The following SATB2 variants were observed in gnomAD, a reference collection of about 807,000 sequenced individuals.
The protein encoded by SATB2 is DNA-binding protein SATB2.
In SATB2, 1 loss-of-function variant was observed where a neutral mutation model predicts 73.4. The ratio of observed to expected loss-of-function variants is 0.01; its 90% CI spans 0.00 to 0.06. The LOEUF is 0.06. SATB2 is among the 10% of genes least tolerant of loss of function. The probability of loss-of-function intolerance (pLI) is 1.00; values close to 1 mark genes in which losing one functional copy is unlikely to be tolerated. For missense variants in SATB2, 459 were observed against 945.8 expected (o/e 0.49, Z 6.75); for synonymous variants, 397 against 367.0 (o/e 1.08, Z -0.93).
In SATB2 at chr2:199,402,372, G is replaced by C. The variant is rs552350397; in HGVS notation, c.347-20552C>G. ...TGCACTCCAGCCTGGGTGACAGAGC[G>C]AGACTCCATCTCAAAAAAAAAGATT... On this transcript the variant is annotated intron_variant, in intron 3 of 10. Transcript: ENST00000417098. Among the ~76,000 whole-genome samples, 6 of 151,890 alleles carry C rather than the reference G, an allele frequency of 4.0e-5. No individual in the cohort carries two copies. The East Asian group carries it at 1.2e-3, about 29-fold the overall frequency.
intron 2 of SATB2, among the ~76,000 whole-genome samples, chr2:199,454,722 A>C (rs1692223577): frequency 6.6e-6 from 1 of 152,212 alleles, no homozygotes; most frequent in African/African-American, 2.4e-5. Flanking sequence ...ATAGCAAAAT[A>C]AGTAAAAAGA....
intron 7 of SATB2, among the ~76,000 whole-genome samples, chr2:199,337,791 C>A (rs1688379439): frequency 6.6e-6 from 1 of 152,186 alleles, no homozygotes; most frequent in Admixed American, 6.5e-5. Context: ...TTTCTCTCAG[C>A]ATTTCTGGCC....
intron 3 of SATB2, among the ~76,000 whole-genome samples, chr2:199,416,272 A>C (rs1690980013): frequency 6.6e-6 from 1 of 152,228 alleles, no homozygotes; most frequent in Non-Finnish European, 1.5e-5. Flanking sequence ...CATTATGTAC[A>C]AATCTATGAA....
intron 7 of SATB2, among the ~76,000 whole-genome samples, chr2:199,344,546 A>G (rs1260252895): frequency 6.6e-6 from 1 of 152,224 alleles, no homozygotes; most frequent in African/African-American, 2.4e-5. Flanking sequence ...AAATTAGCTA[A>G]GAGTCAAGGG....
intron 3 of SATB2, among the ~76,000 whole-genome samples, chr2:199,421,858 C>A (rs574946859): frequency 1.3e-5 from 2 of 152,170 alleles, no homozygotes; most frequent in Non-Finnish European, 1.5e-5. Flanking sequence ...AAAAATCTGG[C>A]CTTGCACCTG....
exon 1 of SATB2, chr2:199,465,055 T>C (rs1335278643): frequency 6.6e-6 from 1 of 152,238 alleles, no homozygotes; most frequent in Non-Finnish European, 1.5e-5. Context: ...GTAATTGGGT[T>C]TGTTGGTTAC....
intron 8 of SATB2, chr2:199,325,210 C>G (rs962351215): frequency 6.6e-6 from 1 of 152,130 alleles, no homozygotes; most frequent in South Asian, 2.1e-4. Flanking sequence ...TTATGGCGTG[C>G]TTTTTATGGG....
At chr2:199,368,900 T>C (rs377695193) in intron 5 of SATB2, 193 bp from the exon 6 acceptor site, 142 of 496,684 alleles carry the variant, frequency 2.9e-4, no homozygotes, top group African/African-American at 2.6e-3. Flanking sequence ...ACAATGATAG[T>C]GCTTTCTCCA....
chr2:199,391,432 C>CA (rs56190034), intron 3 of SATB2, among the ~76,000 whole-genome samples: 2,132 of 98,448 alleles, frequency 0.022, 72 homozygotes, highest in African/African-American at 0.07. Flanking sequence ...GACTCCGTCT[C>CA]AAAAAAAAAA....
upstream of SATB2, among the ~76,000 whole-genome samples, chr2:199,465,363 C>A: frequency 6.6e-6 from 1 of 152,174 alleles, no homozygotes; most frequent in East Asian, 1.9e-4. Flanking sequence ...TAAAGACTGT[C>A]CCGTTGGATA....
In SATB2 at chr2:199,456,073, G is replaced by C. The variant is rs763343913; in HGVS notation, c.-36C>G. ...CTCGGAGACAAAGTTCCCACCGGCA[G>C]GTCGCAATAAAACGCACAGGGACCT... is the stretch of plus-strand genomic sequence containing the variant. On this transcript the variant is annotated 5_prime_UTR_variant, in exon 2 of 11. Coordinates refer to ENST00000417098, the MANE Select transcript of SATB2 (RefSeq NM_001172509.2). 2.4e-5 allele frequency: 37 copies of C among 1,535,876 alleles called. No individual in the cohort carries two copies. Among genetic ancestry groups the C allele is most frequent in the Non-Finnish European group, 3.2e-5 (37 of 1,145,986 alleles).
At chr2:199,339,104 T>G (rs1377294540) in intron 7 of SATB2, among the ~76,000 whole-genome samples, 1 of 152,070 alleles carries the variant, frequency 6.6e-6, no homozygotes, top group African/African-American at 2.4e-5. Context: ...AGCTGCTAAA[T>G]TAGCCTTCTC....
chr2:199,459,700 G>A (rs940389712), upstream of SATB2: 4 of 152,778 alleles, frequency 2.6e-5, no homozygotes, highest in Non-Finnish European at 5.9e-5. This position sits in a 1 kb window ranked among gnomAD's most constrained non-coding sequence, Gnocchi z 4.2. Context: ...CCCTTAAGAA[G>A]CGTTGACTGT....
chr2:199,424,152 A>G (rs1363006918), intron 3 of SATB2, among the ~76,000 whole-genome samples: 1 of 152,346 alleles, frequency 6.6e-6, no homozygotes, highest in East Asian at 1.9e-4. Flanking sequence ...AATTTTGCCA[A>G]ATACTGCTTT....
chr2:199,318,005 A>G (rs752706669), intron 9 of SATB2, among the ~76,000 whole-genome samples: 3 of 152,018 alleles, frequency 2.0e-5, no homozygotes, highest in African/African-American at 4.8e-5. Flanking sequence ...CCAGTTGACA[A>G]GAGTGGAAAC....
In SATB2 at chr2:199,365,794, T is replaced by A. The variant is rs116013413; in HGVS notation, c.700+2811A>T. The stretch of plus-strand genomic sequence containing the variant: ...TAGAATTTGCAATCTGATCTTTTTT[T>A]TGTCCTTCCAGTAGACTTTTATTTT... On this transcript the variant is annotated intron_variant, in intron 6 of 10. Coordinates refer to ENST00000417098, the MANE Select transcript of SATB2 (RefSeq NM_001172509.2). Among the ~76,000 whole-genome samples the A allele has an allele frequency of 5.3e-3, 801 of 152,258 alleles. 7 individuals are homozygous for A. The highest frequency in any genetic ancestry group is 0.018 in the African/African-American group (747 of 41,578).
chr2:199,315,201 G>A (rs995442436), intron 9 of SATB2, among the ~76,000 whole-genome samples: 2 of 151,744 alleles, frequency 1.3e-5, no homozygotes, highest in South Asian at 2.1e-4. Flanking sequence ...TATTTCTGTC[G>A]TTGCTGTTGT....
At chr2:199,343,272 G>A (rs541794098) in intron 7 of SATB2, among the ~76,000 whole-genome samples, 23 of 152,082 alleles carry the variant, frequency 1.5e-4, no homozygotes, top group African/African-American at 5.5e-4. Context: ...AATATAAGGT[G>A]ACAAAATGTA....
chr2:199,469,144 A>C (rs1692653004), upstream of SATB2, among the ~76,000 whole-genome samples: 1 of 152,154 alleles, frequency 6.6e-6, no homozygotes, highest in South Asian at 2.1e-4. Flanking sequence ...ATCCCGGAGG[A>C]AGGGAGGGTG....
Sources: allele counts gnomAD v4.1 joint callset (sites outside exome capture counted in the v4.1 genomes callset), GRCh38; gene constraint gnomAD v4.1.1; non-coding constraint Gnocchi (gnomAD v3.1); transcripts MANE v1.5; gene names NCBI Gene and HGNC (gene_info 2026-07-23, HGNC 2026-07-21).